LRIT1: variants seen among roughly 807,000 people sequenced by gnomAD.
The protein encoded by LRIT1 is leucine-rich repeat, immunoglobulin-like domain and transmembrane domain-containing protein 1.
In LRIT1, 23 loss-of-function variants were observed where a neutral mutation model predicts 24.0. The ratio of observed to expected loss-of-function variants is 0.96; its 90% confidence interval spans 0.69 to 1.36. LRIT1 has a LOEUF of 1.36. Ranked by LOEUF, LRIT1 falls within the 40% of genes most tolerant of loss-of-function variation. The probability of loss-of-function intolerance (pLI) is 0.00; values close to 1 mark genes in which losing one functional copy is unlikely to be tolerated. For synonymous variants in LRIT1, 361 were observed against 340.5 expected (o/e 1.06, Z -0.66); for missense variants, 846 against 806.3 (o/e 1.05, Z -0.60).
chr10:84,238,161 C>T (rs1415571205), intron 1 of LRIT1, among the ~76,000 whole-genome samples: 1 of 152,108 alleles, frequency 6.6e-6, no homozygotes, highest in Non-Finnish European at 1.5e-5. Flanking sequence ...CAAGATTAGC[C>T]TGGCCAACAT....
intron 2 of LRIT1, 92 bp from the exon 3 acceptor site, chr10:84,234,470 C>T (rs1008226317): frequency 2.8e-6 from 3 of 1,054,628 alleles, no homozygotes; most frequent in Non-Finnish European, 4.1e-6. Context: ...ACAGGCAGGT[C>T]CTCATTCAGA....
intron 2 of LRIT1, among the ~76,000 whole-genome samples, chr10:84,235,368 C>T (rs1027316132): frequency 7.2e-5 from 11 of 152,112 alleles, no homozygotes; most frequent in South Asian, 2.1e-4. Context: ...ATTGGTTAAA[C>T]GCACTTAATG....
chr10:84,232,080 G>C lies in LRIT1; in HGVS notation c.1719C>G (p.Asn573Lys), dbSNP rs776797756. The C allele has an allele frequency of 6.2e-7, 1 of 1,614,198 alleles. No homozygotes were observed. Among genetic ancestry groups the C allele is most frequent in the Non-Finnish European group, 8.5e-7 (1 of 1,180,030 alleles). ...DSTEATVTYV[N>K]LERLGYSEDG... is the part of the protein sequence containing the mutation. Reference sequence around the variant, plus strand: ...CCTCGCTGTAGCCCAGTCTCTCTAGGTTGACGTAGGTAACTGTGGCCTCAG... The same window carrying C: ...CCTCGCTGTAGCCCAGTCTCTCTAGCTTGACGTAGGTAACTGTGGCCTCAG... Residue 573 changes from asparagine (N) to lysine (K), a missense_variant, in exon 4 of 4, where the codon AAC (asparagine) becomes AAG (lysine). Asn to Lys is a moderately conservative substitution (Grantham distance 94). Coordinates refer to ENST00000372105, the MANE Select transcript of LRIT1 (RefSeq NM_015613.3).
chr10:84,232,795 C>T lies in LRIT1; in HGVS notation c.1004G>A (p.Gly335Glu), dbSNP rs370652235. Residue 335 changes from glycine to glutamate, a missense_variant, in exon 4 of 4, where the codon GGA becomes GAA. Coordinates refer to ENST00000372105, the MANE Select transcript of LRIT1 (RefSeq NM_015613.3). ...DYICQAKNFL[G>E]ASETVISLIV... ...CAAGGAGATAACAGTTTCAGAGGCT[C>T]CCAGGAAGTTCTTGGCTTGGCAGAT... is the stretch of plus-strand genomic sequence containing the variant. The T allele has an allele frequency of 1.4e-5, 22 of 1,613,814 alleles. No individual in the cohort carries two copies. Among genetic ancestry groups the T allele is most frequent in the Non-Finnish European group, 1.9e-5 (22 of 1,180,032 alleles).
Position 84,232,303 on chromosome 10 carries a change from C to G in LRIT1, c.1496G>C (p.Cys499Ser), listed in dbSNP as rs762883826. Residue 499 changes from cysteine (C) to serine (S), a missense_variant, in exon 4 of 4, where the codon TGT (cysteine) becomes TCT (serine). Physicochemically the swap from Cys to Ser is moderately radical, Grantham distance 112. Coordinates refer to ENST00000372105, the MANE Select transcript of LRIT1 (RefSeq NM_015613.3). ...CTTCCGGGGCACCAGGCCCTGCACACAGACACACGCCACATACTTGGTCTT... is the reference window on the plus strand; with the variant it reads ...CTTCCGGGGCACCAGGCCCTGCACAGAGACACACGCCACATACTTGGTCTT... ...LPKTKYVACV[C>S]VQGLVPRKEQ... The G allele has an allele frequency of 1.9e-6, 3 of 1,614,064 alleles. No homozygotes were observed. Among genetic ancestry groups the G allele is most frequent in the Non-Finnish European group, 2.5e-6 (3 of 1,180,008 alleles).
chr10:84,232,020 G>T lies in LRIT1; in HGVS notation c.1779C>A (p.Ser593Arg), dbSNP rs773633352. Residue 593 changes from serine (S) to arginine (R), a missense_variant, in exon 4 of 4, where the codon AGC becomes AGA. By Grantham distance (110) the Ser-to-Arg change is moderately radical. Transcript: ENST00000372105. ...GLEELSRHSV[S>R]EADRLLSARS... ...GAGCTGAGAGAAGCCTGTCAGCCTC[G>T]CTGACACTGTGCCGGGACAGCTCCT... The T allele has an allele frequency of 6.2e-7, 1 of 1,614,092 alleles. No individual in the cohort carries two copies. The highest frequency in any genetic ancestry group is 8.5e-7 in the Non-Finnish European group (1 of 1,179,980).
intron 3 of LRIT1, 80 bp downstream of exon 3, chr10:84,233,993 C>T: frequency 4.5e-6 from 6 of 1,335,550 alleles, no homozygotes; most frequent in Non-Finnish European, 4.9e-6. Context: ...TCCCTCTGGC[C>T]CTGCCAAATC....
chr10:84,234,167 C>G lies in LRIT1; in HGVS notation c.801G>C (p.Leu267Phe), dbSNP rs149121025. The part of the protein sequence containing the change: ...HPGVASIRSL[L>F]GGTALLRCGA... Reference sequence around the variant, plus strand: ...CACAGCGTAGCAGTGCTGTGCCACCCAAAAGGGACCTGATGCTGGCCACTC... The same window carrying G: ...CACAGCGTAGCAGTGCTGTGCCACCGAAAAGGGACCTGATGCTGGCCACTC... The change falls in exon 3 of 4, where the codon TTG becomes TTC. Residue 267 changes from leucine (L) to phenylalanine (F), a missense_variant. Coordinates refer to ENST00000372105, the MANE Select transcript of LRIT1 (RefSeq NM_015613.3). The G allele has an allele frequency of 5.0e-6, 8 of 1,613,894 alleles. No individual in the cohort carries two copies. The South Asian group carries it at 8.8e-5, about 18-fold the overall frequency.
In LRIT1 at chr10:84,232,055, C is replaced by A; in HGVS notation, c.1744G>T (p.Asp582Tyr). The change falls in exon 4 of 4, where the codon GAC (aspartate) becomes TAC (tyrosine). Residue 582 changes from aspartate to tyrosine, a missense_variant. Transcript: ENST00000372105. ...VNLERLGYSE[D>Y]GLEELSRHSV... ...TGCCGGGACAGCTCCTCCAAGCCGT[C>A]CTCGCTGTAGCCCAGTCTCTCTAGG... 6.2e-7 allele frequency: 1 copy of A among 1,614,220 alleles called. No individual in the cohort carries two copies. Among genetic ancestry groups the A allele is most frequent in the Non-Finnish European group, 8.5e-7 (1 of 1,180,040 alleles).
chr10:84,234,088 G>A lies in LRIT1; in HGVS notation c.880C>T (p.Pro294Ser). The A allele has an allele frequency of 6.4e-7, 1 of 1,554,446 alleles. No homozygotes were observed. Among genetic ancestry groups the A allele is most frequent in the African/African-American group, 1.4e-5 (1 of 73,510 alleles). ...EMSWRRANGR[P>S]LNGTVHQEVS... is the part of the protein sequence containing the mutation. ...GCTCACATACCTGTACCATTAAGGG[G>A]CCTGCCATTGGCCCTCCTCCAGCTC... The change falls in exon 3 of 4, where the codon CCC becomes TCC. Residue 294 changes from proline (P) to serine (S), a missense_variant. Physicochemically the swap from Pro to Ser is moderately conservative, Grantham distance 74 (BLOSUM62 -1). Coordinates refer to ENST00000372105, the MANE Select transcript of LRIT1 (RefSeq NM_015613.3).
chr10:84,235,198 C>T (rs1373219600), intron 2 of LRIT1, among the ~76,000 whole-genome samples: 1 of 152,172 alleles, frequency 6.6e-6, no homozygotes, highest in Non-Finnish European at 1.5e-5. Context: ...TACATTCACA[C>T]AGATATATTT....
chr10:84,234,368 G>A lies in LRIT1; in HGVS notation c.600C>T (p.Asp200=). 1.3e-5 allele frequency: 20 copies of A among 1,550,792 alleles called. No homozygotes were observed. The highest frequency in any genetic ancestry group is 1.7e-5 in the Non-Finnish European group (20 of 1,147,796). Residue 200 remains aspartate, a synonymous_variant, in exon 3 of 4, where the codon GAC becomes GAT. Transcript: ENST00000372105. ...HHPRRVLGLQ[D]NPWACDCRLY... ...GTCGGCAGTCACATGCCCAGGGGTT[G>A]TCCTGTAGCCCTGCAGGAGTAAAAA...
chr10:84,241,312 C>T lies in LRIT1; in HGVS notation c.122+6G>A, dbSNP rs1048845632. The T allele has an allele frequency of 6.2e-7, 1 of 1,613,772 alleles. No homozygotes were observed. Among genetic ancestry groups the T allele is most frequent in the African/African-American group, 1.3e-5 (1 of 74,922 alleles). On this transcript the variant is annotated splice_donor_region_variant and intron_variant, in intron 1 of 3. Coordinates refer to ENST00000372105, the MANE Select transcript of LRIT1 (RefSeq NM_015613.3). ...GGCTGCCCGTCCCACGCACCCGGTA[C>T]CATACCTGGCCTTGCTGCCATCACC...
At chr10:84,234,401 A>T (rs768387148) in intron 2 of LRIT1, 23 bp from the exon 3 acceptor site, 2 of 1,500,358 alleles carry the variant, frequency 1.3e-6, no homozygotes, top group South Asian at 2.7e-5. Flanking sequence ...AAAAGAAGAC[A>T]AGATATTCAG....
chr10:84,238,222 G>T (rs182036360), intron 1 of LRIT1, among the ~76,000 whole-genome samples: 3 of 151,924 alleles, frequency 2.0e-5, no homozygotes, highest in Admixed American at 1.3e-4. Flanking sequence ...AGGCATTGTG[G>T]TGCACCCCTG....
At chr10:84,234,570 C>T (rs143174690) in intron 2 of LRIT1, among the ~76,000 whole-genome samples, 192 bp from the exon 3 acceptor site, 3 of 152,160 alleles carry the variant, frequency 2.0e-5, no homozygotes, top group East Asian at 1.9e-4. Flanking sequence ...AGTAGCATTA[C>T]TTTCTTTTCA....
Position 84,233,931 on chromosome 10 carries a change from C to G in LRIT1, c.895+142G>C, listed in dbSNP as rs542021884. 5 of 642,984 alleles carry G rather than the reference C, an allele frequency of 7.8e-6. No homozygotes were observed. The South Asian group carries it at 1.6e-4, about 21-fold the overall frequency. 39.8% of individuals were successfully genotyped at this position (642,984 alleles called of 1,614,324 possible). A position where few individuals can be genotyped will look rare whatever the true frequency, so the allele number is the denominator to read the frequency against. ...GTGATTTGCCTCACCTCTGGGAAGC[C>G]CCTGTCAAACTCAACTCAGACAGGT... On this transcript the variant is annotated intron_variant, in intron 3 of 3. Transcript: ENST00000372105.
rs1322352358 is a variant in LRIT1, at chr10:84,237,442, G to A, written c.367C>T (p.Pro123Ser). 2.6e-6 allele frequency: 4 copies of A among 1,553,088 alleles called. No homozygotes were observed. The highest frequency in any genetic ancestry group is 1.9e-5 in the Admixed American group (1 of 51,770). Reference protein sequence around the residue: ...RLPGNRLAAFPWAALRDAPKL... With the variant: ...RLPGNRLAAFSWAALRDAPKL... ...GGGGCGTCCCTGAGCGCCGCCCAGG[G>A]GAAGGCGGCCAGGCGGTTCCCGGGC... is the stretch of plus-strand genomic sequence containing the variant. Residue 123 changes from proline (P) to serine (S), a missense_variant, in exon 2 of 4, where the codon CCC becomes TCC. Transcript: ENST00000372105.
Position 84,234,391 on chromosome 10 carries a change from A to T in LRIT1, c.590-13T>A, listed in dbSNP as rs1842631644. The T allele has an allele frequency of 1.3e-6, 2 of 1,508,130 alleles. No individual in the cohort carries two copies. Among genetic ancestry groups the T allele is most frequent in the African/African-American group, 2.8e-5 (2 of 71,336 alleles). 93.4% of individuals were successfully genotyped at this position (1,508,130 alleles called of 1,614,324 possible). On this transcript the variant is annotated splice_polypyrimidine_tract_variant and intron_variant, in intron 2 of 3. Transcript: ENST00000372105. ...TTGTCCTGTAGCCCTGCAGGAGTAAAAAAGAAGACAAGATATTCAGATAGA... is the reference window on the plus strand; with the variant it reads ...TTGTCCTGTAGCCCTGCAGGAGTAATAAAGAAGACAAGATATTCAGATAGA...
Sources: gnomAD v4.1 joint callset for allele counts (sites outside exome capture counted in the v4.1 genomes callset) on GRCh38, gnomAD v4.1.1 for gene constraint, MANE v1.5 for transcripts, NCBI Gene and HGNC (gene_info 2026-07-23, HGNC 2026-07-21) for gene names.